Variants in EXOG observed in about 807,000 individuals in gnomAD.
EXOG encodes nuclease EXOG, mitochondrial.
A neutral mutation model predicts 25.8 loss-of-function variants in EXOG; 27 were observed. That is an observed-to-expected ratio of 1.05 (90% CI 0.77 to 1.45). The LOEUF (loss-of-function observed/expected upper bound fraction) is 1.45. Ranked by LOEUF, EXOG falls within the 40% of genes most tolerant of loss-of-function variation. EXOG has a pLI of 0.00. For synonymous variants in EXOG, 133 were observed against 167.0 expected (o/e 0.80, Z 1.57); for missense variants, 458 against 450.5 (o/e 1.02, Z -0.15).
At chr3:38,501,144 C>T (rs1291367267) in intron 2 of EXOG, 1 of 493,658 alleles carries the variant, frequency 2.0e-6, no homozygotes, top group Admixed American at 3.6e-5. Flanking sequence ...GAGATAGCTA[C>T]ACTGTATGAA....
chr3:38,524,273 GA>G lies in EXOG; in HGVS notation c.1019del (p.Asp340ValfsTer5). Reference sequence around the variant, plus strand: ...CTTGAAGAATGCAGAGATTGAACCAGATGATTACTTTATGAGTCGCTATGAG... The same window carrying G: ...CTTGAAGAATGCAGAGATTGAACCAGTGATTACTTTATGAGTCGCTATGAG... ...ENLKNAEIEP[D>X]DYFMSRYEKK... On this transcript the variant is annotated frameshift_variant, in exon 6 of 6. Transcript: ENST00000287675. LOFTEE classifies it low-confidence loss of function (END_TRUNC). 6.2e-7 allele frequency: 1 copy of G among 1,614,188 alleles called. No homozygotes were observed. The highest frequency in any genetic ancestry group is 8.5e-7 in the Non-Finnish European group (1 of 1,180,034).
chr3:38,496,367 G>A lies in EXOG; in HGVS notation c.-1G>A, dbSNP rs2125739618. ...GGTAAAAGGCCGGTACCTCGGGCAA[G>A]ATGGCTATCAAGAGTATCGCTTCCC... On this transcript the variant is annotated 5_prime_UTR_variant, in exon 1 of 6. Transcript: ENST00000287675. 6.2e-7 allele frequency: 1 copy of A among 1,612,596 alleles called. No individual in the cohort carries two copies. The highest frequency in any genetic ancestry group is 1.1e-5 in the South Asian group (1 of 90,958).
intron 5 of EXOG, among the ~76,000 whole-genome samples, chr3:38,510,518 C>T (rs1340587455): frequency 6.6e-6 from 1 of 151,824 alleles, no homozygotes; most frequent in Non-Finnish European, 1.5e-5. Context: ...AATGGTGTGC[C>T]TGTGACTTTT....
rs1392344397 is a variant in EXOG at position 38,515,585 on chromosome 3, C to T, written c.646-8316C>T. ...TGGGTGCTGTGGCTGCGGTTCTCCT[C>T]AGTGGTGTCCATCATGCTGGTGGAG... On this transcript the variant is annotated intron_variant, in intron 5 of 5. Coordinates refer to ENST00000287675, the MANE Select transcript of EXOG (RefSeq NM_005107.4). The T allele has an allele frequency of 2.2e-5, 4 of 182,188 alleles. No homozygotes were observed. The East Asian group carries it at 5.7e-4, about 26-fold the overall frequency. The allele number at this position is 182,188 out of a possible 1,614,324, so 11.3% of individuals were successfully genotyped here. A position where few individuals can be genotyped will look rare whatever the true frequency, so the allele number is the denominator to read the frequency against.
chr3:38,496,770 C>G, intron 1 of EXOG: 22 of 1,467,388 alleles, frequency 1.5e-5, no homozygotes, highest in Non-Finnish European at 1.9e-5. Flanking sequence ...AGAACCACCC[C>G]CGCCGCCCGA....
intron 5 of EXOG, among the ~76,000 whole-genome samples, chr3:38,521,312 A>G (rs2060708391): frequency 6.6e-6 from 1 of 152,220 alleles, no homozygotes; most frequent in Non-Finnish European, 1.5e-5. Flanking sequence ...AGGTTTCTCA[A>G]AAGTAGAATC....
At chr3:38,518,711 A>G (rs1207392226) in intron 5 of EXOG, among the ~76,000 whole-genome samples, 1 of 152,206 alleles carries the variant, frequency 6.6e-6, no homozygotes, top group African/African-American at 2.4e-5. Flanking sequence ...AAGCAAATGA[A>G]CTGGCATTTC....
rs6783849 is a variant in EXOG, at chr3:38,514,704, G to A, written c.645+7736G>A. ...TTTCTCCTTATTATACTCCTAGCTT[G>A]GGTCCTTAAATTCCTCTTTCCCCTT... On this transcript the variant is annotated intron_variant, in intron 5 of 5. Transcript: ENST00000287675. Among the ~76,000 whole-genome samples, 590 of 151,576 alleles carry A rather than the reference G, an allele frequency of 3.9e-3. 8 individuals are homozygous for A. The highest frequency in any genetic ancestry group is 0.013 in the African/African-American group (555 of 41,272).
chr3:38,504,780 C>T (rs1442593072), intron 4 of EXOG, among the ~76,000 whole-genome samples: 1 of 152,104 alleles, frequency 6.6e-6, no homozygotes, highest in Non-Finnish European at 1.5e-5. Context: ...ATAATCTGGG[C>T]CTTCTACATT....
chr3:38,518,823 T>C (rs932037005), intron 5 of EXOG, among the ~76,000 whole-genome samples: 1 of 152,186 alleles, frequency 6.6e-6, no homozygotes, highest in Non-Finnish European at 1.5e-5. Context: ...CATTTTCTTT[T>C]ATAGACAAGA....
intron 5 of EXOG, 152 bp downstream of exon 5, chr3:38,507,120 A>T (rs986207331): frequency 2.0e-6 from 1 of 495,406 alleles, no homozygotes; most frequent in Admixed American, 3.7e-5. Flanking sequence ...TTGAACACCT[A>T]TTAGGAATGA....
At chr3:38,511,019 A>G (rs1284415045) in intron 5 of EXOG, among the ~76,000 whole-genome samples, 1 of 152,148 alleles carries the variant, frequency 6.6e-6, no homozygotes, top group Non-Finnish European at 1.5e-5. Context: ...GCATGTTCAC[A>G]CTGGCAAATC....
Position 38,524,344 on chromosome 3 carries a change from G to T in EXOG, c.1089G>T (p.Gln363His), listed in dbSNP as rs2060820623. 1 of 1,603,236 alleles carries T rather than the reference G, an allele frequency of 6.2e-7. No individual in the cohort carries two copies. Among genetic ancestry groups the T allele is most frequent in the African/African-American group, 1.4e-5 (1 of 74,010 alleles). Reference sequence around the variant, plus strand: ...AAGCTAAGGAGCAGTCAGGAACCCAGATAAGAAAGCCATCCTAGTTTTTAT... The same window carrying T: ...AAGCTAAGGAGCAGTCAGGAACCCATATAAGAAAGCCATCCTAGTTTTTAT... ...ELKAKEQSGT[Q>H]IRKPS Residue 363 changes from glutamine to histidine, a missense_variant, in exon 6 of 6, where the codon CAG (glutamine) becomes CAT (histidine). Gln to His is a conservative substitution (Grantham distance 24). Coordinates refer to ENST00000287675, the MANE Select transcript of EXOG (RefSeq NM_005107.4).
rs2060866993 is a variant in EXOG at position 38,526,258 on chromosome 3, C to T, written c.*1896C>T. 3.0e-6 allele frequency: 3 copies of T among 983,970 alleles called. No homozygotes were observed. Among genetic ancestry groups the T allele is most frequent in the African/African-American group, 1.7e-5 (1 of 57,170 alleles). The allele number at this position is 983,970 out of a possible 1,614,324, so 61.0% of individuals were successfully genotyped here. A position where few individuals can be genotyped will look rare whatever the true frequency, so the allele number is the denominator to read the frequency against. On this transcript the variant is annotated 3_prime_UTR_variant, in exon 6 of 6. Coordinates refer to ENST00000287675, the MANE Select transcript of EXOG (RefSeq NM_005107.4). The stretch of plus-strand genomic sequence containing the variant: ...GAAAGATTTTTGTGGTGTGTTTGTT[C>T]TAAGAGAAATGCCAAGGCTTTCAGA...
intron 5 of EXOG, among the ~76,000 whole-genome samples, chr3:38,514,300 A>T (rs979916363): frequency 6.6e-6 from 1 of 152,232 alleles, no homozygotes; most frequent in Non-Finnish European, 1.5e-5. Context: ...AATTGTCTAC[A>T]TGAGAAATAA....
intron 1 of EXOG, 129 bp from the exon 2 acceptor site, chr3:38,497,500 C>A: frequency 7.2e-7 from 1 of 1,380,958 alleles, no homozygotes. Context: ...GATTAGACTT[C>A]TGAGCCAGTC....
chr3:38,524,438 T>C lies in EXOG; in HGVS notation c.*76T>C, dbSNP rs2060823685. The C allele has an allele frequency of 3.4e-6, 5 of 1,477,742 alleles. No individual in the cohort carries two copies. The allele number at this position is 1,477,742 out of a possible 1,614,324, so 91.5% of individuals were successfully genotyped here. On this transcript the variant is annotated 3_prime_UTR_variant, in exon 6 of 6. Coordinates refer to ENST00000287675, the MANE Select transcript of EXOG (RefSeq NM_005107.4). Reference sequence around the variant, plus strand: ...CTTTAGGCTAACATATTTTAGTGGCTTTGCTTTTTGCTTTTTAAAAAGTTT... The same window carrying C: ...CTTTAGGCTAACATATTTTAGTGGCCTTGCTTTTTGCTTTTTAAAAAGTTT...
At position 38,496,396 on chromosome 3, in the gene EXOG, T is replaced by C; in HGVS notation, c.29T>C (p.Leu10Pro). MAIKSIASR[L>P]RGSRRFLSGF... The stretch of plus-strand genomic sequence containing the variant: ...GCTATCAAGAGTATCGCTTCCCGCC[T>C]CCGGGGTTCCCGTCGTTTTCTGAGC... The change falls in exon 1 of 6, where the codon CTC (leucine) becomes CCC (proline). Residue 10 changes from leucine (L) to proline (P), a missense_variant. Leu to Pro is a moderately conservative substitution (Grantham distance 98, BLOSUM62 -3). This residue lies in a region of EXOG where 275 missense variants were observed against 230.5 expected (regional missense o/e 1.19). Coordinates refer to ENST00000287675, the MANE Select transcript of EXOG (RefSeq NM_005107.4). 6.2e-7 allele frequency: 1 copy of C among 1,613,974 alleles called. No individual in the cohort carries two copies. Among genetic ancestry groups the C allele is most frequent in the Non-Finnish European group, 8.5e-7 (1 of 1,179,912 alleles).
chr3:38,502,792 T>A (rs1046921311), intron 3 of EXOG, among the ~76,000 whole-genome samples: 1 of 152,208 alleles, frequency 6.6e-6, no homozygotes, highest in Non-Finnish European at 1.5e-5. Context: ...TTTAGTCTTC[T>A]TTAATCTAGA....
Sources: gnomAD v4.1 joint callset for allele counts (sites outside exome capture counted in the v4.1 genomes callset) on GRCh38, gnomAD v4.1.1 for gene constraint, gnomAD v4.1.1 regional missense constraint, MANE v1.5 for transcripts, NCBI Gene and HGNC (gene_info 2026-07-23, HGNC 2026-07-21) for gene names.